EIF4G3: variants seen among roughly 807,000 people sequenced by gnomAD.
EIF4G3 encodes eukaryotic translation initiation factor 4 gamma 3.
EIF4G3 carries 34 observed loss-of-function variants against 186.4 expected under a neutral mutation model. The observed-to-expected ratio is 0.18, with a 90% confidence interval of 0.14 to 0.24. The LOEUF is 0.24. EIF4G3 is among the 10% of genes least tolerant of loss of function. EIF4G3 has a pLI of 1.00. For synonymous variants in EIF4G3, 673 were observed against 679.5 expected, an observed-to-expected ratio of 0.99 and a Z score of 0.15; for missense variants, 1,536 against 1,948.5, an observed-to-expected ratio of 0.79 and a Z score of 3.99.
chr1:20,905,912 A>C (rs537955390), intron 14 of EIF4G3, among the ~76,000 whole-genome samples: 8 of 152,312 alleles, frequency 5.3e-5, no homozygotes, highest in African/African-American at 1.9e-4. Flanking sequence ...GAAATATAAG[A>C]TAATTCACTG....
intron 10 of EIF4G3, among the ~76,000 whole-genome samples, chr1:20,975,665 A>T (rs1285144329): frequency 2.0e-5 from 3 of 150,464 alleles, no homozygotes; most frequent in African/African-American, 7.3e-5. Context: ...GCTAGTCAGA[A>T]ACATTTAAAA....
intron 2 of EIF4G3, among the ~76,000 whole-genome samples, chr1:21,170,400 G>A (rs1313992071): frequency 2.6e-5 from 4 of 152,152 alleles, no homozygotes; most frequent in Admixed American, 6.5e-5. Flanking sequence ...GCCAGGTGTG[G>A]TGGCTCATGC....
At chr1:20,873,564 A>G (rs564456465) in intron 20 of EIF4G3, among the ~76,000 whole-genome samples, 3 of 152,164 alleles carry the variant, frequency 2.0e-5, no homozygotes, top group African/African-American at 7.2e-5. Context: ...TTATTGCCCA[A>G]TTGCCCTCAT....
intron 14 of EIF4G3, among the ~76,000 whole-genome samples, chr1:20,927,186 G>A (rs1254996987): frequency 6.6e-6 from 1 of 151,900 alleles, no homozygotes; most frequent in Non-Finnish European, 1.5e-5. Flanking sequence ...TGGGATTACA[G>A]GTGCCAGGCA....
At chr1:20,807,578 A>G in intron 36 of EIF4G3, 78 bp from the exon 37 acceptor site, 2 of 1,259,014 alleles carry the variant, frequency 1.6e-6, no homozygotes, top group Non-Finnish European at 2.1e-6. Flanking sequence ...AAAATAATGA[A>G]TGACTGAATA....
chr1:20,863,990 G>A (rs536886495), intron 22 of EIF4G3, among the ~76,000 whole-genome samples: 4 of 152,232 alleles, frequency 2.6e-5, no homozygotes, highest in Non-Finnish European at 5.9e-5. Flanking sequence ...AGATGTTATG[G>A]AGCGTTTCTG....
chr1:21,089,361 G>T, intron 2 of EIF4G3, 148 bp from the exon 3 acceptor site: 1 of 593,336 alleles, frequency 1.7e-6, no homozygotes, highest in Non-Finnish European at 3.0e-6. Context: ...AAAACCAAAT[G>T]TTTCAAATGT....
chr1:20,909,936 C>G (rs2092922722), intron 14 of EIF4G3, among the ~76,000 whole-genome samples: 1 of 152,034 alleles, frequency 6.6e-6, no homozygotes, highest in South Asian at 2.1e-4. Context: ...TACCCGCAAC[C>G]ATGCCCGGCT....
intron 2 of EIF4G3, among the ~76,000 whole-genome samples, chr1:21,138,832 C>T (rs1024943753): frequency 2.6e-5 from 4 of 152,174 alleles, no homozygotes; most frequent in African/African-American, 9.6e-5. Flanking sequence ...AAAAAAATCA[C>T]TTCCTCATGG....
chr1:21,018,591 T>A (rs144757434), intron 4 of EIF4G3, among the ~76,000 whole-genome samples: 2 of 151,790 alleles, frequency 1.3e-5, no homozygotes, highest in African/African-American at 4.8e-5. Context: ...GGTGGTACTA[T>A]GGTTGAATAC....
chr1:20,932,409 C>A (rs1412154427), intron 14 of EIF4G3, among the ~76,000 whole-genome samples: 1 of 152,110 alleles, frequency 6.6e-6, no homozygotes, highest in Non-Finnish European at 1.5e-5. Context: ...CCTTTGCATT[C>A]ACAACTTTAC....
intron 4 of EIF4G3, among the ~76,000 whole-genome samples, chr1:21,015,922 T>A (rs2088867666): frequency 3.3e-5 from 5 of 152,082 alleles, no homozygotes; most frequent in Admixed American, 3.3e-4. Flanking sequence ...GACCAAAGAT[T>A]CTTCAAATTG....
At chr1:21,073,617 C>A in intron 3 of EIF4G3, 2 of 515,470 alleles carry the variant, frequency 3.9e-6, no homozygotes, top group South Asian at 2.8e-5. Context: ...CCCTCTAAGT[C>A]TCCCTGGGCA....
chr1:20,942,888 G>A (rs1442815761), intron 13 of EIF4G3, among the ~76,000 whole-genome samples: 1 of 152,100 alleles, frequency 6.6e-6, no homozygotes, highest in Non-Finnish European at 1.5e-5. Flanking sequence ...TTTATTTAAT[G>A]AAATTTACTA....
chr1:20,963,342 T>C (rs551520206), intron 12 of EIF4G3, among the ~76,000 whole-genome samples: 5 of 151,832 alleles, frequency 3.3e-5, no homozygotes, highest in Admixed American at 3.3e-4. Context: ...AAAATTATCA[T>C]ATAAACGAAC....
intron 14 of EIF4G3, among the ~76,000 whole-genome samples, chr1:20,938,242 T>A (rs1400355079): frequency 6.6e-6 from 1 of 152,018 alleles, no homozygotes; most frequent in Admixed American, 6.6e-5. Context: ...TGATCCACCC[T>A]CCTCAGCCTC....
chr1:20,859,004 T>A (rs888628446), intron 24 of EIF4G3, among the ~76,000 whole-genome samples: 4 of 151,946 alleles, frequency 2.6e-5, no homozygotes, highest in Non-Finnish European at 5.9e-5. Context: ...CAAAAAAAAA[T>A]ACTTGCTGAA....
intron 20 of EIF4G3, among the ~76,000 whole-genome samples, chr1:20,867,122 G>C (rs970301116): frequency 6.6e-6 from 1 of 152,150 alleles, no homozygotes; most frequent in African/African-American, 2.4e-5. Flanking sequence ...ATAAACAAAG[G>C]CAATTCTTTT....
chr1:21,130,961 G>A (rs922797838), intron 2 of EIF4G3, among the ~76,000 whole-genome samples: 8 of 152,088 alleles, frequency 5.3e-5, no homozygotes, highest in East Asian at 1.9e-4. Flanking sequence ...GGCCAGGCAC[G>A]GTGGCTCATA....
Sources: gnomAD v4.1 joint callset for allele counts (sites outside exome capture counted in the v4.1 genomes callset) on GRCh38, gnomAD v4.1.1 for gene constraint, MANE v1.5 for transcripts, NCBI Gene and HGNC (gene_info 2026-07-23, HGNC 2026-07-21) for gene names.